The following BRIX1 variants were observed in gnomAD, a reference collection of about 807,000 sequenced individuals.
BRIX1 encodes ribosome biogenesis protein BRX1 homolog.
In BRIX1, 15 loss-of-function variants were observed where a neutral mutation model predicts 44.0. That is an observed-to-expected ratio of 0.34 (90% confidence interval 0.23 to 0.53). The LOEUF (loss-of-function observed/expected upper bound fraction) is 0.53, where lower values mean the gene tolerates loss of function less well. BRIX1 is among the 20% of genes least tolerant of loss of function. The pLI is 0.95. For missense variants in BRIX1, 420 were observed against 432.8 expected (o/e 0.97, Z 0.26); for synonymous variants, 149 against 135.4 (o/e 1.10, Z -0.70).
In BRIX1 at chr5:34,915,757, A is replaced by C. The variant is rs754034017; in HGVS notation, c.19A>C (p.Lys7Gln). The change falls in exon 1 of 10, where the codon AAA becomes CAA. Residue 7 changes from lysine (K) to glutamine (Q), a missense_variant. Physicochemically the swap from Lys to Gln is moderately conservative, Grantham distance 53 (BLOSUM62 1). Coordinates refer to ENST00000336767, the MANE Select transcript of BRIX1 (RefSeq NM_018321.4). MAATKR[K>Q]RRGGFAVQAK... Reference sequence around the variant, plus strand: ...AGGCAAGATGGCGGCAACCAAGAGGAAACGGCGTGGAGGCTTTGCAGTTCA... The same window carrying C: ...AGGCAAGATGGCGGCAACCAAGAGGCAACGGCGTGGAGGCTTTGCAGTTCA... The C allele has an allele frequency of 1.2e-6, 2 of 1,603,964 alleles. No homozygotes were observed. Among genetic ancestry groups the C allele is most frequent in the Admixed American group, 1.7e-5 (1 of 58,192 alleles).
chr5:34,919,336 CTGT>C (rs1022162961), intron 2 of BRIX1, among the ~76,000 whole-genome samples: 6 of 142,968 alleles, frequency 4.2e-5, no homozygotes, highest in Non-Finnish European at 7.6e-5. Context: ...CATCATATGG[CTGT>C]TGTTGTGCTT....
chr5:34,922,128 A>G, intron 3 of BRIX1, 89 bp from the exon 4 acceptor site: 1 of 689,690 alleles, frequency 1.4e-6, no homozygotes, highest in Non-Finnish European at 2.4e-6. Flanking sequence ...GGTATTTTTG[A>G]GATAATCTGG....
chr5:34,924,174 G>T (rs1227958745), intron 8 of BRIX1, among the ~76,000 whole-genome samples: 2 of 152,226 alleles, frequency 1.3e-5, no homozygotes, highest in African/African-American at 4.8e-5. Flanking sequence ...AAATCTTGAA[G>T]CAGGAGTTTG....
At position 34,915,745 on chromosome 5, in the gene BRIX1, G is replaced by C; in HGVS notation, c.7G>C (p.Ala3Pro). The stretch of plus-strand genomic sequence containing the variant: ...GCGCGGGCGGCGAGGCAAGATGGCG[G>C]CAACCAAGAGGAAACGGCGTGGAGG... MA[A>P]TKRKRRGGFA... The change falls in exon 1 of 10, where the codon GCA becomes CCA. Residue 3 changes from alanine (A) to proline (P), a missense_variant. By Grantham distance (27) the Ala-to-Pro change is conservative. Transcript: ENST00000336767. 1 of 1,600,308 alleles carries C rather than the reference G, an allele frequency of 6.2e-7. No individual in the cohort carries two copies. The highest frequency in any genetic ancestry group is 8.5e-7 in the Non-Finnish European group (1 of 1,173,852).
chr5:34,922,772 A>G lies in BRIX1; in HGVS notation c.510+4A>G, dbSNP rs1194190079. On this transcript the variant is annotated splice_donor_region_variant and intron_variant, in intron 6 of 9. Transcript: ENST00000336767. ...GCCCCTTTTGTCTTTTGACCCTGTA[A>G]GTTTCTCATTCAGTGTATGAGGTCT... 1.9e-6 allele frequency: 3 copies of G among 1,613,110 alleles called. No homozygotes were observed. The East Asian group carries it at 6.7e-5, about 36-fold the overall frequency.
Position 34,925,464 on chromosome 5 carries a change from A to G in BRIX1, c.1031A>G (p.Lys344Arg), listed in dbSNP as rs1222152128. The G allele has an allele frequency of 3.7e-6, 6 of 1,613,814 alleles. No homozygotes were observed. The South Asian group carries it at 6.6e-5, about 18-fold the overall frequency. ...KRIYKRQRKM[K>R]QRMDSGKTK ...ATTTACAAAAGGCAAAGAAAAATGAAACAGAGGATGGACAGTGGGAAAACA... is the reference window on the plus strand; with the variant it reads ...ATTTACAAAAGGCAAAGAAAAATGAGACAGAGGATGGACAGTGGGAAAACA... Residue 344 changes from lysine to arginine, a missense_variant, in exon 10 of 10, where the codon AAA (lysine) becomes AGA (arginine). Lys to Arg is a conservative substitution (Grantham distance 26). Transcript: ENST00000336767.
intron 2 of BRIX1, among the ~76,000 whole-genome samples, chr5:34,919,371 T>TTTTTTTG (rs912464920): frequency 6.7e-6 from 1 of 149,734 alleles, no homozygotes; most frequent in African/African-American, 2.5e-5. Context: ...TGCTTTGGGG[T>TTTTTTTG]TTTTTTGTTT....
Position 34,915,786 on chromosome 5 carries a change from G to C in BRIX1, c.48G>C (p.Ala16=). Residue 16 remains alanine (A), a synonymous_variant, in exon 1 of 10, where the codon GCG becomes GCC. Transcript: ENST00000336767. ...GGCGTGGAGGCTTTGCAGTTCAGGC[G>C]AAGAAGCCAAAAAGAAACGAAATAG... The part of the protein sequence containing the change: ...RKRRGGFAVQ[A]KKPKRNEIDA... The C allele has an allele frequency of 2.5e-6, 4 of 1,596,686 alleles. No homozygotes were observed. The South Asian group carries it at 3.4e-5, about 14-fold the overall frequency.
Position 34,923,340 on chromosome 5 carries a change from C to T in BRIX1, c.663+106C>T, listed in dbSNP as rs1764282348. The T allele has an allele frequency of 4.6e-6, 4 of 864,284 alleles. No individual in the cohort carries two copies. Among genetic ancestry groups the T allele is most frequent in the Non-Finnish European group, 7.4e-6 (4 of 541,020 alleles). 53.5% of individuals were successfully genotyped at this position (864,284 alleles called of 1,614,324 possible). ...TGTTGCCCAGGCTGGACTGCAGTGGCACAATCTTGGCTCACTGCAACCTCC... is the reference window on the plus strand; with the variant it reads ...TGTTGCCCAGGCTGGACTGCAGTGGTACAATCTTGGCTCACTGCAACCTCC... On this transcript the variant is annotated intron_variant, in intron 8 of 9. Transcript: ENST00000336767.
intron 3 of BRIX1, chr5:34,920,832 T>G (rs1433514161): frequency 2.8e-5 from 4 of 143,074 alleles, no homozygotes; most frequent in Admixed American, 2.8e-4. Context: ...AAAAGTTTTG[T>G]TTTTTTTTTT....
chr5:34,922,199 A>G lies in BRIX1; in HGVS notation c.316-18A>G. The G allele has an allele frequency of 6.9e-7, 1 of 1,438,948 alleles. No individual in the cohort carries two copies. 89.1% of individuals were successfully genotyped at this position (1,438,948 alleles called of 1,614,324 possible). Reference sequence around the variant, plus strand: ...TTTATATTATCTACTTCATTTTCCTATACTTTGCTTCCTTTAGGTTTGTGA... The same window carrying G: ...TTTATATTATCTACTTCATTTTCCTGTACTTTGCTTCCTTTAGGTTTGTGA... On this transcript the variant is annotated intron_variant, in intron 3 of 9. Coordinates refer to ENST00000336767, the MANE Select transcript of BRIX1 (RefSeq NM_018321.4).
chr5:34,917,434 C>T (rs990277912), intron 1 of BRIX1, among the ~76,000 whole-genome samples: 7 of 151,794 alleles, frequency 4.6e-5, no homozygotes, highest in African/African-American at 1.7e-4. Context: ...GAGTTCAAGA[C>T]CAGCCTGGCC....
At chr5:34,920,092 A>G (rs1276501259) in intron 3 of BRIX1, 9 of 370,592 alleles carry the variant, frequency 2.4e-5, no homozygotes, top group Non-Finnish European at 4.4e-5. Flanking sequence ...GAACAAGCAT[A>G]TTGAAATTTC....
At chr5:34,917,034 C>T (rs1281615339) in intron 1 of BRIX1, among the ~76,000 whole-genome samples, 5 of 151,832 alleles carry the variant, frequency 3.3e-5, no homozygotes, top group African/African-American at 1.2e-4. Context: ...TATTTTTACC[C>T]TAGTATAATA....
intron 3 of BRIX1, 104 bp from the exon 4 acceptor site, chr5:34,922,113 G>A (rs1042406737): frequency 1.6e-6 from 1 of 606,790 alleles, no homozygotes; most frequent in Non-Finnish European, 2.8e-6. Context: ...CTATTAGCCT[G>A]GTTAGGTATT....
chr5:34,915,801 A>T lies in BRIX1; in HGVS notation c.63A>T (p.Arg21Ser), dbSNP rs1013816037. The T allele has an allele frequency of 4.4e-6, 7 of 1,589,770 alleles. No homozygotes were observed. In the African/African-American group the frequency reaches 9.4e-5, roughly 21 times the overall value. Reference sequence around the variant, plus strand: ...CAGTTCAGGCGAAGAAGCCAAAAAGAAACGAAATAGATGCGGAGCCGCCAG... The same window carrying T: ...CAGTTCAGGCGAAGAAGCCAAAAAGTAACGAAATAGATGCGGAGCCGCCAG... Reference protein sequence around the residue: ...GFAVQAKKPKRNEIDAEPPAK... With the variant: ...GFAVQAKKPKSNEIDAEPPAK... Residue 21 changes from arginine to serine, a missense_variant, in exon 1 of 10, where the codon AGA becomes AGT. By Grantham distance (110) the Arg-to-Ser change is moderately radical. Transcript: ENST00000336767.
intron 8 of BRIX1, among the ~76,000 whole-genome samples, chr5:34,924,377 G>T (rs956879360): frequency 6.6e-6 from 1 of 152,092 alleles, no homozygotes; most frequent in East Asian, 1.9e-4. Context: ...TTTGTTGTTC[G>T]GAAGTTGCCT....
At chr5:34,917,918 C>T (rs1342665418) in intron 1 of BRIX1, 1 of 152,382 alleles carries the variant, frequency 6.6e-6, no homozygotes, top group Non-Finnish European at 1.5e-5. Flanking sequence ...CCAAGGAGGG[C>T]ATTTCTGGGT....
At chr5:34,915,937 C>T in intron 1 of BRIX1, 40 bp downstream of exon 1, 1 of 1,495,878 alleles carries the variant, frequency 6.7e-7, no homozygotes. Flanking sequence ...GCGGCGGCGG[C>T]TCTGTGCGCC....
Sources: allele counts gnomAD v4.1 joint callset (sites outside exome capture counted in the v4.1 genomes callset), GRCh38; gene constraint gnomAD v4.1.1; transcripts MANE v1.5; gene names NCBI Gene and HGNC (gene_info 2026-07-23, HGNC 2026-07-21).